CERKL: variants seen among roughly 807,000 people sequenced by gnomAD.
CERKL encodes the protein ceramide kinase-like protein.
Under a neutral mutation model 63.4 loss-of-function variants are expected in CERKL, and 61 were observed. The ratio of observed to expected loss-of-function variants is 0.96; its 90% confidence interval spans 0.78 to 1.19. The LOEUF (loss-of-function observed/expected upper bound fraction) is 1.19, where lower values mean the gene tolerates loss of function less well. Among genes scored for constraint, CERKL ranks in the 50% most tolerant of loss-of-function variants. The pLI is 0.00. For missense variants in CERKL, 675 were observed against 655.5 expected (o/e 1.03, Z -0.33); for synonymous variants, 250 against 230.5 (o/e 1.08, Z -0.77).
chr2:181,555,290 A>AATGTTGG (rs1399882930), intron 5 of CERKL, among the ~76,000 whole-genome samples: 1 of 152,178 alleles, frequency 6.6e-6, no homozygotes, highest in African/African-American at 2.4e-5. Flanking sequence ...CATGGAAGGA[A>AATGTTGG]ATGTTGGAAA....
intron 1 of CERKL, among the ~76,000 whole-genome samples, chr2:181,646,762 T>C (rs1305488277): frequency 6.6e-6 from 1 of 152,158 alleles, no homozygotes; most frequent in Non-Finnish European, 1.5e-5. Context: ...AAATAAGGAC[T>C]GAAAATTTCC....
chr2:181,542,121 A>G (rs1449802610), intron 11 of CERKL, among the ~76,000 whole-genome samples: 2 of 152,192 alleles, frequency 1.3e-5, no homozygotes, highest in Non-Finnish European at 2.9e-5. Flanking sequence ...TAAACTCCCT[A>G]CCAAAAATGG....
intron 1 of CERKL, among the ~76,000 whole-genome samples, chr2:181,629,126 T>C (rs1354586497): frequency 1.3e-5 from 2 of 152,212 alleles, no homozygotes; most frequent in Non-Finnish European, 2.9e-5. Context: ...TTCAATATGA[T>C]TCAATAATCC....
intron 1 of CERKL, among the ~76,000 whole-genome samples, chr2:181,654,770 G>A (rs774629424): frequency 6.6e-5 from 10 of 152,160 alleles, no homozygotes; most frequent in Non-Finnish European, 1.5e-4. Context: ...TTATTTCCCA[G>A]TGTTTGTTTT....
At chr2:181,605,665 A>C (rs890369457) in intron 1 of CERKL, among the ~76,000 whole-genome samples, 5 of 152,312 alleles carry the variant, frequency 3.3e-5, no homozygotes, top group Non-Finnish European at 7.3e-5. Context: ...ATAGAAAAAA[A>C]ATTCAGCCAT....
intron 1 of CERKL, among the ~76,000 whole-genome samples, chr2:181,634,302 C>T (rs1012168096): frequency 9.2e-5 from 14 of 151,948 alleles, no homozygotes; most frequent in Non-Finnish European, 1.9e-4. Context: ...GTCATTTGTA[C>T]AAAAACATAA....
intron 10 of CERKL, among the ~76,000 whole-genome samples, chr2:181,546,382 T>C (rs540831133): frequency 2.6e-5 from 4 of 152,192 alleles, no homozygotes; most frequent in Non-Finnish European, 5.9e-5. Flanking sequence ...TAGCCACGTC[T>C]TCAAGTTTAG....
At chr2:181,592,504 G>A (rs564958490) in intron 2 of CERKL, among the ~76,000 whole-genome samples, 23 of 152,068 alleles carry the variant, frequency 1.5e-4, no homozygotes, top group South Asian at 2.1e-4. Flanking sequence ...TATATTTGAC[G>A]CCCAGTTACA....
At position 181,547,637 on chromosome 2, in the gene CERKL, C is replaced by T; in HGVS notation, c.1249G>A (p.Gly417Ser). The T allele has an allele frequency of 6.2e-7, 1 of 1,613,902 alleles. No individual in the cohort carries two copies. Among genetic ancestry groups the T allele is most frequent in the Non-Finnish European group, 8.5e-7 (1 of 1,179,842 alleles). The change falls in exon 10 of 13, where the codon GGC becomes AGC. Residue 417 changes from glycine to serine, a missense_variant. Physicochemically the swap from Gly to Ser is moderately conservative, Grantham distance 56. Coordinates refer to ENST00000410087, the MANE Select transcript of CERKL (RefSeq NM_201548.5). Reference sequence around the variant, plus strand: ...ACTAACCTGGTATTAGGTGCCAAGCCTCTAGGTGCCACTGAACACAGGCAA... The same window carrying T: ...ACTAACCTGGTATTAGGTGCCAAGCTTCTAGGTGCCACTGAACACAGGCAA... ...IPCLCSVAPRGLAPNTRLNNG... is the reference protein window; with the variant it reads ...IPCLCSVAPRSLAPNTRLNNG...
At chr2:181,572,964 G>T (rs368104843) in intron 3 of CERKL, among the ~76,000 whole-genome samples, 1 of 151,960 alleles carries the variant, frequency 6.6e-6, no homozygotes, top group East Asian at 1.9e-4. Context: ...TGCACTCTGG[G>T]CTTGTCCCCT....
chr2:181,570,589 A>G (rs1306059388), intron 3 of CERKL, among the ~76,000 whole-genome samples: 2 of 152,136 alleles, frequency 1.3e-5, no homozygotes, highest in Non-Finnish European at 2.9e-5. Context: ...TTCTGATGCT[A>G]TTAGATAAGA....
intron 6 of CERKL, among the ~76,000 whole-genome samples, chr2:181,549,126 A>G (rs190558945): frequency 2.0e-5 from 3 of 152,342 alleles, no homozygotes; most frequent in Middle Eastern, 3.4e-3. Context: ...AAACGAAGTT[A>G]AAGTAGATAG....
At chr2:181,643,058 G>A (rs1687514923) in intron 1 of CERKL, among the ~76,000 whole-genome samples, 1 of 152,092 alleles carries the variant, frequency 6.6e-6, no homozygotes, top group African/African-American at 2.4e-5. Flanking sequence ...ATTCATGAGG[G>A]CTCTGAAGTT....
chr2:181,633,495 A>G (rs1687054017), intron 1 of CERKL, among the ~76,000 whole-genome samples: 1 of 152,190 alleles, frequency 6.6e-6, no homozygotes, highest in African/African-American at 2.4e-5. Context: ...ATAATACAAA[A>G]TTGTATTGAT....
At chr2:181,557,154 G>A (rs140807938) in intron 5 of CERKL, among the ~76,000 whole-genome samples, 15 of 152,212 alleles carry the variant, frequency 9.9e-5, no homozygotes, top group African/African-American at 3.6e-4. Context: ...TTTGTTAGAT[G>A]AGTAGATTGC....
At chr2:181,598,334 AGACT>A (rs1685307099) in intron 2 of CERKL, among the ~76,000 whole-genome samples, 2 of 152,186 alleles carry the variant, frequency 1.3e-5, no homozygotes, top group South Asian at 4.1e-4. Flanking sequence ...ACCTACAGAC[AGACT>A]ATGGCTGGGA....
chr2:181,577,698 A>G (rs771689166), intron 2 of CERKL, among the ~76,000 whole-genome samples: 5 of 152,134 alleles, frequency 3.3e-5, no homozygotes, highest in Non-Finnish European at 7.4e-5. Flanking sequence ...ACTTAGAGGC[A>G]TGGGAGGCCA....
chr2:181,557,015 T>C (rs1382062557), intron 5 of CERKL, among the ~76,000 whole-genome samples: 2 of 152,218 alleles, frequency 1.3e-5, no homozygotes, highest in African/African-American at 4.8e-5. Flanking sequence ...CATTTTTTCA[T>C]GTGTCTTTTG....
chr2:181,580,731 T>C (rs1375487), intron 2 of CERKL, among the ~76,000 whole-genome samples: 15,520 of 152,180 alleles, frequency 0.1, 1,099 homozygotes, highest in East Asian at 0.24. Context: ...TGAACTTGCA[T>C]TGTCAGAATT....
Sources: allele counts gnomAD v4.1 joint callset (sites outside exome capture counted in the v4.1 genomes callset), GRCh38; gene constraint gnomAD v4.1.1; transcripts MANE v1.5; gene names NCBI Gene and HGNC (gene_info 2026-07-23, HGNC 2026-07-21).